Variants in FAM185A observed in about 807,000 individuals in gnomAD.
FAM185A encodes the protein family with sequence similarity 185 member A.
Under a neutral mutation model 45.7 loss-of-function variants are expected in FAM185A, and 21 were observed. The ratio of observed to expected loss-of-function variants is 0.46; its 90% CI spans 0.33 to 0.66. The LOEUF (loss-of-function observed/expected upper bound fraction) is 0.66, where lower values mean the gene tolerates loss of function less well. FAM185A is among the 30% of genes least tolerant of loss of function. FAM185A has a pLI of 0.03. For missense variants in FAM185A, 305 were observed against 485.4 expected (o/e 0.63, Z 3.49); for synonymous variants, 117 against 194.0 (o/e 0.60, Z 3.30).
intron 1 of FAM185A, among the ~76,000 whole-genome samples, chr7:102,751,285 A>G (rs1793346045): frequency 6.6e-6 from 1 of 152,202 alleles, no homozygotes; most frequent in South Asian, 2.1e-4. Flanking sequence ...AATTACTTCA[A>G]ATACCTGTGA....
At chr7:102,836,759 G>A in the FAM185A span, among the ~76,000 whole-genome samples, 2 of 152,188 alleles carry the variant, frequency 1.3e-5, no homozygotes, top group African/African-American at 2.4e-5. Context: ...AATAGGGTAC[G>A]TAGAGGAGAC....
At chr7:102,822,091 C>A in the FAM185A span, 291 of 1,614,176 alleles carry the variant, frequency 1.8e-4, 2 homozygotes, top group East Asian at 5.7e-3. Context: ...TTGTTTGCAG[C>A]CTATCTGAAG....
downstream of FAM185A, among the ~76,000 whole-genome samples, chr7:102,812,424 TTCTTTC>T (rs1225787159): frequency 6.6e-6 from 1 of 152,230 alleles, no homozygotes; most frequent in Non-Finnish European, 1.5e-5. Flanking sequence ...TGCAGGGACA[TTCTTTC>T]TATTCAGATA....
chr7:102,789,613 G>A (rs1265127339), intron 7 of FAM185A, among the ~76,000 whole-genome samples: 1 of 152,276 alleles, frequency 6.6e-6, no homozygotes, highest in Non-Finnish European at 1.5e-5. Context: ...GGAGGCTGAG[G>A]AAAAAGAATC....
intron 3 of FAM185A, among the ~76,000 whole-genome samples, chr7:102,760,593 A>T (rs1364068353): frequency 2.0e-5 from 3 of 152,058 alleles, no homozygotes; most frequent in Non-Finnish European, 4.4e-5. Context: ...AAATTATTTT[A>T]AAAATATCTA....
intron 7 of FAM185A, among the ~76,000 whole-genome samples, chr7:102,806,563 G>T (rs75680294): frequency 5.5e-5 from 7 of 126,438 alleles, no homozygotes; most frequent in African/African-American, 2.3e-4. Flanking sequence ...GTTTGTTTGT[G>T]TTTTTTTGTT....
intron 7 of FAM185A, among the ~76,000 whole-genome samples, chr7:102,803,520 A>G (rs980579074): frequency 5.3e-5 from 8 of 152,196 alleles, no homozygotes; most frequent in Admixed American, 4.6e-4. Flanking sequence ...TCGGCATACA[A>G]GGGACATACC....
the FAM185A span, among the ~76,000 whole-genome samples, chr7:102,828,850 C>G: frequency 5.3e-5 from 8 of 152,188 alleles, no homozygotes; most frequent in Admixed American, 1.3e-4. Flanking sequence ...AGCAGCCAGG[C>G]TTTGTGACCT....
the FAM185A span, among the ~76,000 whole-genome samples, chr7:102,822,744 A>C: frequency 8.5e-5 from 13 of 152,240 alleles, no homozygotes; most frequent in African/African-American, 3.1e-4. Context: ...TAAGGTCAGA[A>C]CAGTAAAATA....
chr7:102,776,702 T>TTAAAAA (rs765636034), intron 5 of FAM185A, among the ~76,000 whole-genome samples: 1 of 97,096 alleles, frequency 1.0e-5, no homozygotes, highest in Non-Finnish European at 2.1e-5. Context: ...ACCCTGTCTC[T>TTAAAAA]AAAAAAAAAA....
chr7:102,794,794 A>G, intron 7 of FAM185A, among the ~76,000 whole-genome samples: 1 of 152,250 alleles, frequency 6.6e-6, no homozygotes, highest in African/African-American at 2.4e-5. Flanking sequence ...CATATGACTC[A>G]TGGTATGTCC....
the FAM185A span, among the ~76,000 whole-genome samples, chr7:102,828,754 A>T: frequency 2.6e-5 from 4 of 152,196 alleles, no homozygotes; most frequent in Non-Finnish European, 5.9e-5. Flanking sequence ...CCATATTAGT[A>T]TAAGAGAAAT....
chr7:102,801,465 C>T (rs1796785665), intron 7 of FAM185A, among the ~76,000 whole-genome samples: 1 of 152,166 alleles, frequency 6.6e-6, no homozygotes. Flanking sequence ...TAAGAATTCA[C>T]CAACCAACTA....
intron 7 of FAM185A, among the ~76,000 whole-genome samples, chr7:102,804,514 C>T (rs201802089): frequency 2.8e-3 from 366 of 128,524 alleles, no homozygotes; most frequent in South Asian, 5.4e-3. Flanking sequence ...TCATCTCTCA[C>T]CTTATACAAA....
the FAM185A span, among the ~76,000 whole-genome samples, chr7:102,826,000 G>A: frequency 5.3e-3 from 806 of 152,202 alleles, 7 homozygotes; most frequent in African/African-American, 0.018. Flanking sequence ...CTCAATAAAT[G>A]GTAGCTATAA....
chr7:102,847,471 A>C, the FAM185A span, among the ~76,000 whole-genome samples: 13 of 152,166 alleles, frequency 8.5e-5, no homozygotes, highest in Non-Finnish European at 1.8e-4. Flanking sequence ...TGGATGATTA[A>C]TTTTTAAAAT....
At chr7:102,844,896 G>A in the FAM185A span, among the ~76,000 whole-genome samples, 1 of 152,132 alleles carries the variant, frequency 6.6e-6, no homozygotes, top group African/African-American at 2.4e-5. Flanking sequence ...ATAATTCAGG[G>A]AAACATGTTT....
chr7:102,758,427 CTTTTTTTTTTTTT>C (rs869220298), intron 3 of FAM185A, among the ~76,000 whole-genome samples: 2,468 of 45,822 alleles, frequency 0.054, 40 homozygotes, highest in Non-Finnish European at 0.064. Context: ...GCTCTCACAG[CTTTTTTTTTTTTT>C]TTTTTTTTTT....
chr7:102,843,094 C>A, the FAM185A span, among the ~76,000 whole-genome samples: 3 of 152,064 alleles, frequency 2.0e-5, no homozygotes, highest in Non-Finnish European at 4.4e-5. Context: ...AGTTTATAAT[C>A]TAAGAGAATG....
Sources: gnomAD v4.1 joint callset for allele counts (sites outside exome capture counted in the v4.1 genomes callset) on GRCh38, gnomAD v4.1.1 for gene constraint, MANE v1.5 for transcripts, NCBI Gene and HGNC (gene_info 2026-07-23, HGNC 2026-07-21) for gene names.